Variants in BRAT1 observed in about 807,000 individuals in gnomAD.
BRAT1 encodes the protein integrator complex assembly factor BRAT1.
Under a neutral mutation model 70.6 loss-of-function variants are expected in BRAT1, and 74 were observed. The observed-to-expected ratio is 1.05, with a 90% CI of 0.87 to 1.27. BRAT1 has a LOEUF of 1.27. Ranked by LOEUF, BRAT1 falls within the 50% of genes most tolerant of loss-of-function variation. The pLI is 0.00. For synonymous variants in BRAT1, 615 were observed against 517.1 expected, an observed-to-expected ratio of 1.19 and a Z score of -2.57; for missense variants, 1,203 against 1,098.2, an observed-to-expected ratio of 1.10 and a Z score of -1.35.
At position 2,541,792 on chromosome 7, in the gene BRAT1, G is replaced by A. The variant is rs1379811635; in HGVS notation, c.1060C>T (p.Leu354Phe). Reference sequence around the variant, plus strand: ...GCGCAGGACGACTTGGAGGCCAGGAGTGTGTCCACCGTCGTGGCATCGTCT... The same window carrying A: ...GCGCAGGACGACTTGGAGGCCAGGAATGTGTCCACCGTCGTGGCATCGTCT... ...TADDATTVDTLLASKSSCAGL... is the reference protein window; with the variant it reads ...TADDATTVDTFLASKSSCAGL... Residue 354 changes from leucine (L) to phenylalanine (F), a missense_variant, in exon 8 of 14, where the codon CTC (leucine) becomes TTC (phenylalanine). Transcript: ENST00000340611. 2.5e-6 allele frequency: 4 copies of A among 1,612,762 alleles called. No individual in the cohort carries two copies. Among genetic ancestry groups the A allele is most frequent in the Non-Finnish European group, 2.5e-6 (3 of 1,179,930 alleles).
chr7:2,555,225 G>A (rs1780335654), intron 1 of BRAT1, among the ~76,000 whole-genome samples: 1 of 152,056 alleles, frequency 6.6e-6, no homozygotes, highest in South Asian at 2.1e-4. Context: ...CCGGGGCACC[G>A]TCTGCCAATG....
At position 2,539,776 on chromosome 7, in the gene BRAT1, G is replaced by T; in HGVS notation, c.1498+10C>A. The stretch of plus-strand genomic sequence containing the variant: ...CCAGCTCCGTTCACCCCTGCAAGGG[G>T]CTGCGTTACCTCTGAGGAACTGCGG... On this transcript the variant is annotated intron_variant, in intron 11 of 13. Transcript: ENST00000340611. The T allele has an allele frequency of 1.9e-6, 3 of 1,607,324 alleles. No individual in the cohort carries two copies. The highest frequency in any genetic ancestry group is 1.7e-6 in the Non-Finnish European group (2 of 1,176,932).
chr7:2,538,269 G>A lies in BRAT1; in HGVS notation c.2266C>T (p.Arg756Trp), dbSNP rs770105500. The change falls in exon 14 of 14, where the codon CGG becomes TGG. Residue 756 changes from arginine (R) to tryptophan (W), a missense_variant. Coordinates refer to ENST00000340611, the MANE Select transcript of BRAT1 (RefSeq NM_152743.4). ...GGGGGCTGGGCCTGCTCACCCGCCC[G>A]CCACCTCGGCAGGGTGGCCTCTGCG... ...ASAEATLPRW[R>W]AGEQAQPPGD... 6.1e-5 allele frequency: 99 copies of A among 1,610,908 alleles called. No homozygotes were observed. The highest frequency in any genetic ancestry group is 8.3e-5 in the Admixed American group (5 of 59,934).
intron 2 of BRAT1, among the ~76,000 whole-genome samples, chr7:2,552,267 AC>A (rs1197838811): frequency 6.7e-6 from 1 of 150,098 alleles, no homozygotes; most frequent in Non-Finnish European, 1.5e-5. Flanking sequence ...ACAGGCATGG[AC>A]CACCATGTCA....
rs1210728580 is a variant in BRAT1 at position 2,543,296 on chromosome 7, G to A, written c.831C>T (p.Gly277=). 7 of 1,608,044 alleles carry A rather than the reference G, an allele frequency of 4.4e-6. No individual in the cohort carries two copies. Among genetic ancestry groups the A allele is most frequent in the Non-Finnish European group, 5.9e-6 (7 of 1,177,174 alleles). Residue 277 remains glycine (G), a synonymous_variant, in exon 6 of 14, where the codon GGC becomes GGT. Transcript: ENST00000340611. The surrounding 1 kb of genome is among the most constrained non-coding windows in gnomAD (Gnocchi z 5.5). Reference sequence around the variant, plus strand: ...CCCGCGCCACTGTCTCCCACAGGCTGCCGTCGGAAGAACTGAACACGGGAG... The same window carrying A: ...CCCGCGCCACTGTCTCCCACAGGCTACCGTCGGAAGAACTGAACACGGGAG... ...ARSPVFSSSD[G]SLWETVARAL...
In BRAT1 at chr7:2,538,182, G is replaced by A. The variant is rs61729932; in HGVS notation, c.2353C>T (p.Arg785Trp). Residue 785 changes from arginine (R) to tryptophan (W), a missense_variant, in exon 14 of 14, where the codon CGG becomes TGG. Coordinates refer to ENST00000340611, the MANE Select transcript of BRAT1 (RefSeq NM_152743.4). ...MLRSLDLEGL[R>W]STLAESSDHV... ...TCGCTGCTCTCGGCCAGCGTGCTCC[G>A]CAGGCCCTCCAGGTCTAGGGACCTG... is the stretch of plus-strand genomic sequence containing the variant. The A allele has an allele frequency of 4.0e-3, 6,446 of 1,609,228 alleles. 29 individuals carry two copies. Among genetic ancestry groups the A allele is most frequent in the Non-Finnish European group, 4.7e-3 (5,558 of 1,177,646 alleles).
In BRAT1 at chr7:2,543,600, A is replaced by T; in HGVS notation, c.793T>A (p.Cys265Ser). 6.6e-7 allele frequency: 1 copy of T among 1,518,054 alleles called. No homozygotes were observed. The highest frequency in any genetic ancestry group is 8.8e-7 in the Non-Finnish European group (1 of 1,130,806). 94.0% of individuals were successfully genotyped at this position (1,518,054 alleles called of 1,614,324 possible). A position where few individuals can be genotyped will look rare whatever the true frequency, so the allele number is the denominator to read the frequency against. ...AAHSFVDLLL[C>S]VARSPVFSSS... ...TCCCGGGGCCCTGACCGAGCCACAC[A>T]GAGAAGCAGGTCCACGAACGAGTGT... Residue 265 changes from cysteine to serine, a missense_variant, in exon 5 of 14, where the codon TGT becomes AGT. Physicochemically the swap from Cys to Ser is moderately radical, Grantham distance 112 (BLOSUM62 -1). Transcript: ENST00000340611. This position sits in a 1 kb window ranked among gnomAD's most constrained non-coding sequence, Gnocchi z 5.5.
intron 1 of BRAT1, 51 bp from the exon 2 acceptor site, chr7:2,554,498 T>A: frequency 6.5e-7 from 1 of 1,547,304 alleles, no homozygotes; most frequent in Non-Finnish European, 8.7e-7. Flanking sequence ...CAGACCCAGC[T>A]CGCTCTAGTC....
chr7:2,540,682 G>T, intron 10 of BRAT1: 1 of 357,128 alleles, frequency 2.8e-6, no homozygotes, highest in Non-Finnish European at 5.0e-6. Flanking sequence ...CCCACGCCCA[G>T]GGCCGTCTTG....
At chr7:2,540,725 C>T (rs1016919331) in intron 10 of BRAT1, 12 of 413,990 alleles carry the variant, frequency 2.9e-5, no homozygotes, top group East Asian at 1.1e-4. Flanking sequence ...CAGAATTCCC[C>T]GCAGGCCGCC....
chr7:2,552,106 A>ATAT (rs1245262304), intron 2 of BRAT1, among the ~76,000 whole-genome samples: 9 of 14,224 alleles, frequency 6.3e-4, no homozygotes, highest in African/African-American at 1.1e-3. Flanking sequence ...ATATATATAT[A>ATAT]TTTTTTTTTT....
chr7:2,546,248 C>A (rs918374235), intron 3 of BRAT1, among the ~76,000 whole-genome samples: 1 of 151,988 alleles, frequency 6.6e-6, no homozygotes, highest in Non-Finnish European at 1.5e-5. Flanking sequence ...TGAGACCAGC[C>A]TGGGCAACAT....
Position 2,539,245 on chromosome 7 carries a change from G to A in BRAT1, c.1704C>T (p.Ala568=), listed in dbSNP as rs756368991. The part of the protein sequence containing the change: ...ESYVRASAVT[A]MGQLSSQGLH... ...GGCCCTGGCTGGACAGCTGCCCCAT[G>A]GCGGTCACTGCACTCGCTCGGACAT... is the stretch of plus-strand genomic sequence containing the variant. The change falls in exon 13 of 14, where the codon GCC becomes GCT. Residue 568 remains alanine, a synonymous_variant. Transcript: ENST00000340611. 21 of 1,611,312 alleles carry A rather than the reference G, an allele frequency of 1.3e-5. No homozygotes were observed. The highest frequency in any genetic ancestry group is 2.2e-5 in the South Asian group (2 of 91,022).
At chr7:2,544,827 A>G in intron 4 of BRAT1, 82 bp downstream of exon 4, 1 of 1,513,006 alleles carries the variant, frequency 6.6e-7, no homozygotes, top group Middle Eastern at 2.3e-4. Context: ...CAGACCAGAC[A>G]CTCAGATTCA....
chr7:2,550,945 A>C (rs1779959791), intron 2 of BRAT1, among the ~76,000 whole-genome samples: 5 of 152,064 alleles, frequency 3.3e-5, no homozygotes, highest in Admixed American at 3.3e-4. Flanking sequence ...TGAACACTCA[A>C]TTATCATGCT....
intron 10 of BRAT1, 157 bp downstream of exon 10, chr7:2,540,822 G>A (rs1477417005): frequency 2.6e-6 from 2 of 764,404 alleles, no homozygotes; most frequent in African/African-American, 1.9e-5. Flanking sequence ...CCCGCCCCAT[G>A]CAGCCACCTG....
At position 2,542,075 on chromosome 7, in the gene BRAT1, C is replaced by CA. The variant is rs568320498; in HGVS notation, c.1015+44dup. ...TCATCCATCTCCCTTCCCCCAGCCG[C>CA]AGGGACCCAGGTTCTGCCCTCCCAG... On this transcript the variant is annotated intron_variant, in intron 7 of 13. Coordinates refer to ENST00000340611, the MANE Select transcript of BRAT1 (RefSeq NM_152743.4). The CA allele has an allele frequency of 5.7e-5, 83 of 1,449,758 alleles. No individual in the cohort carries two copies. In the East Asian group the frequency reaches 2.0e-3, roughly 35 times the overall value. The allele number at this position is 1,449,758 out of a possible 1,614,324, so 89.8% of individuals were successfully genotyped here. A position where few individuals can be genotyped will look rare whatever the true frequency, so the allele number is the denominator to read the frequency against.
At position 2,538,197 on chromosome 7, in the gene BRAT1, C is replaced by T; in HGVS notation, c.2338G>A (p.Asp780Asn). Reference protein sequence around the residue: ...EAVLAMLRSLDLEGLRSTLAE... With the variant: ...EAVLAMLRSLNLEGLRSTLAE... ...AGCGTGCTCCGCAGGCCCTCCAGGT[C>T]TAGGGACCTGAGCATGGCCAGCACA... The change falls in exon 14 of 14, where the codon GAC becomes AAC. Residue 780 changes from aspartate (D) to asparagine (N), a missense_variant. By Grantham distance (23) the Asp-to-Asn change is conservative. Coordinates refer to ENST00000340611, the MANE Select transcript of BRAT1 (RefSeq NM_152743.4). 6.2e-7 allele frequency: 1 copy of T among 1,610,036 alleles called. No homozygotes were observed. Among genetic ancestry groups the T allele is most frequent in the Non-Finnish European group, 8.5e-7 (1 of 1,178,290 alleles).
chr7:2,538,024 C>T lies in BRAT1; in HGVS notation c.*45G>A. 1 of 1,503,774 alleles carries T rather than the reference C, an allele frequency of 6.6e-7. No individual in the cohort carries two copies. Among genetic ancestry groups the T allele is most frequent in the Admixed American group, 2.2e-5 (1 of 45,046 alleles). 93.2% of individuals were successfully genotyped at this position (1,503,774 alleles called of 1,614,324 possible). A position where few individuals can be genotyped will look rare whatever the true frequency, so the allele number is the denominator to read the frequency against. ...CAGTGTCCCACAGAAGGACATGGTG[C>T]TGCCTCCCTTGGTCCTGAGCCCCAG... is the stretch of plus-strand genomic sequence containing the variant. On this transcript the variant is annotated 3_prime_UTR_variant, in exon 14 of 14. Coordinates refer to ENST00000340611, the MANE Select transcript of BRAT1 (RefSeq NM_152743.4).
Sources: allele counts gnomAD v4.1 joint callset (sites outside exome capture counted in the v4.1 genomes callset), GRCh38; gene constraint gnomAD v4.1.1; non-coding constraint Gnocchi (gnomAD v3.1); transcripts MANE v1.5; gene names NCBI Gene and HGNC (gene_info 2026-07-23, HGNC 2026-07-21).